The following IL1RAPL1 variants were observed in gnomAD, a reference collection of about 807,000 sequenced individuals.
The protein encoded by IL1RAPL1 is interleukin 1 receptor accessory protein like 1.
In IL1RAPL1, 3 loss-of-function variants were observed where a neutral mutation model predicts 48.4. The observed-to-expected ratio is 0.06, with a 90% confidence interval of 0.03 to 0.16. The LOEUF (loss-of-function observed/expected upper bound fraction) is 0.16. Among genes scored for constraint, IL1RAPL1 ranks in the 10% least tolerant of loss-of-function variants. The probability of loss-of-function intolerance (pLI) is 1.00; values close to 1 mark genes in which losing one functional copy is unlikely to be tolerated. For missense variants in IL1RAPL1, 349 were observed against 530.6 expected, an observed-to-expected ratio of 0.66 and a Z score of 3.36; for synonymous variants, 185 against 187.7, an observed-to-expected ratio of 0.99 and a Z score of 0.12.
At chrX:28,886,897 A>G (rs1922645671) in intron 2 of IL1RAPL1, among the ~76,000 whole-genome samples, 2 of 111,724 alleles carry the variant, frequency 1.8e-5, no homozygotes, top group African/African-American at 6.5e-5. Flanking sequence ...TGTTATTTGA[A>G]TAACAAAGCT....
chrX:29,430,050 C>T (rs1934401626), intron 5 of IL1RAPL1, among the ~76,000 whole-genome samples: 1 of 108,237 alleles, frequency 9.2e-6, no homozygotes, highest in Non-Finnish European at 1.9e-5. Context: ...TAGACATGAG[C>T]CACTGCATAC....
chrX:29,382,242 G>A (rs1933720842), intron 3 of IL1RAPL1, among the ~76,000 whole-genome samples: 1 of 111,398 alleles, frequency 9.0e-6, no homozygotes, highest in Non-Finnish European at 1.9e-5. Flanking sequence ...AATATAATTG[G>A]GTTAAACTGC....
At chrX:29,929,973 T>TAG (rs1425263182) in intron 8 of IL1RAPL1, among the ~76,000 whole-genome samples, 4 of 112,043 alleles carry the variant, frequency 3.6e-5, no homozygotes, top group Non-Finnish European at 7.5e-5. Context: ...TCTATTTAGT[T>TAG]AGGCTTCTTC....
chrX:28,794,227 G>C (rs757825138), intron 2 of IL1RAPL1, among the ~76,000 whole-genome samples: 1 of 111,172 alleles, frequency 9.0e-6, no homozygotes, highest in African/African-American at 3.3e-5. Context: ...TTACAAATGG[G>C]GAGTGTTTTC....
chrX:29,295,955 C>G (rs1310378357), intron 3 of IL1RAPL1, among the ~76,000 whole-genome samples: 1 of 111,390 alleles, frequency 9.0e-6, no homozygotes, highest in African/African-American at 3.3e-5. Flanking sequence ...AACCCATGTG[C>G]CTGATAAAAA....
In IL1RAPL1 at chrX:29,497,403, A is replaced by G. The variant is rs773972865; in HGVS notation, c.703+98095A>G. On this transcript the variant is annotated intron_variant, in intron 5 of 10. Transcript: ENST00000378993. ...AGAATTGCTACCTCCTAAATTTAAT[A>G]AGAAGATTGAAAGAAGAATAGCTGT... is the stretch of plus-strand genomic sequence containing the variant. Among the ~76,000 whole-genome samples the G allele has an allele frequency of 2.7e-5, 3 of 111,989 alleles. No homozygotes were observed. In the South Asian group the frequency reaches 1.1e-3, roughly 41 times the overall value.
chrX:28,808,614 TG>T (rs1286235606), intron 2 of IL1RAPL1, among the ~76,000 whole-genome samples: 1 of 111,125 alleles, frequency 9.0e-6, no homozygotes, highest in Non-Finnish European at 1.9e-5. Flanking sequence ...TGAATTGGAA[TG>T]GGTATTAAAC....
At chrX:29,639,775 G>A (rs992476326) in intron 5 of IL1RAPL1, among the ~76,000 whole-genome samples, 3 of 111,040 alleles carry the variant, frequency 2.7e-5, no homozygotes, top group Middle Eastern at 4.6e-3. Context: ...TGTTGTCAAA[G>A]CTAACCTTTA....
intron 6 of IL1RAPL1, among the ~76,000 whole-genome samples, chrX:29,709,808 C>T (rs1157960538): frequency 8.9e-6 from 1 of 111,983 alleles, no homozygotes; most frequent in African/African-American, 3.2e-5. Context: ...CATGTGATAT[C>T]TTTCCATTTA....
chrX:29,332,095 CTTTTTTTTTTTTT>C (rs72360733), intron 3 of IL1RAPL1, among the ~76,000 whole-genome samples: 1 of 27,889 alleles, frequency 3.6e-5, no homozygotes, highest in African/African-American at 1.1e-4. Context: ...ATTCTAAGGT[CTTTTTTTTTTTTT>C]TTTTTTTTTT....
intron 6 of IL1RAPL1, among the ~76,000 whole-genome samples, chrX:29,833,963 G>GTA (rs1930934849): frequency 8.9e-6 from 1 of 112,127 alleles, no homozygotes; most frequent in South Asian, 3.7e-4. Flanking sequence ...GGCATTCTCT[G>GTA]TAGCCTTTGG....
chrX:29,229,894 T>C (rs1931159431), intron 2 of IL1RAPL1, among the ~76,000 whole-genome samples: 1 of 112,527 alleles, frequency 8.9e-6, no homozygotes, highest in Non-Finnish European at 1.9e-5. Flanking sequence ...CTTAGCTTAT[T>C]ATATCTTCAG....
At chrX:29,682,450 A>C (rs7057181) in intron 6 of IL1RAPL1, among the ~76,000 whole-genome samples, 42,911 of 109,719 alleles carry the variant, frequency 0.39, 6,182 homozygotes, top group South Asian at 0.5. Flanking sequence ...TTTTAAGACC[A>C]ACCTCAATGT....
At chrX:29,624,228 ACAAG>A (rs1221027841) in intron 5 of IL1RAPL1, among the ~76,000 whole-genome samples, 1 of 111,743 alleles carries the variant, frequency 8.9e-6, no homozygotes, top group Non-Finnish European at 1.9e-5. Context: ...TCATCAAGGC[ACAAG>A]CAACTGACTG....
At chrX:29,832,422 T>TG (rs1217000089) in intron 6 of IL1RAPL1, among the ~76,000 whole-genome samples, 1 of 111,504 alleles carries the variant, frequency 9.0e-6, no homozygotes, top group Non-Finnish European at 1.9e-5. Context: ...TGGCAAAATT[T>TG]GGGGGTGTGA....
intron 2 of IL1RAPL1, among the ~76,000 whole-genome samples, chrX:28,971,287 T>C (rs1233044056): frequency 8.9e-6 from 1 of 112,259 alleles, no homozygotes. Context: ...TCATAATGTA[T>C]TAGTAATTGG....
intron 2 of IL1RAPL1, among the ~76,000 whole-genome samples, chrX:28,799,162 A>C (rs1936646550): frequency 9.0e-6 from 1 of 111,519 alleles, no homozygotes; most frequent in Admixed American, 9.5e-5. Flanking sequence ...GTAAAGAAAA[A>C]CATTCTGTAA....
intron 6 of IL1RAPL1, among the ~76,000 whole-genome samples, chrX:29,757,009 A>T: frequency 9.0e-6 from 1 of 111,307 alleles, no homozygotes. Flanking sequence ...CCAGAAGCTA[A>T]GAAGAGGCAA....
chrX:29,204,751 A>G (rs1196826995), intron 2 of IL1RAPL1, among the ~76,000 whole-genome samples: 1 of 111,463 alleles, frequency 9.0e-6, no homozygotes, highest in Non-Finnish European at 1.9e-5. Context: ...GTGCTTATTA[A>G]TCCCTTTGTC....
Sources: allele counts gnomAD v4.1 joint callset (sites outside exome capture counted in the v4.1 genomes callset), GRCh38; gene constraint gnomAD v4.1.1; transcripts MANE v1.5; gene names NCBI Gene and HGNC (gene_info 2026-07-23, HGNC 2026-07-21).